Variants in FBXL20 observed in about 807,000 individuals in gnomAD.
The protein encoded by FBXL20 is F-box and leucine rich repeat protein 20.
A neutral mutation model predicts 64.0 loss-of-function variants in FBXL20; 11 were observed. The ratio of observed to expected loss-of-function variants is 0.17; its 90% CI spans 0.11 to 0.28. FBXL20 has a LOEUF of 0.28. Among genes scored for constraint, FBXL20 ranks in the 10% least tolerant of loss-of-function variants. FBXL20 has a pLI of 1.00. For missense variants in FBXL20, 303 were observed against 526.2 expected, an observed-to-expected ratio of 0.58 and a Z score of 4.15; for synonymous variants, 184 against 189.0, an observed-to-expected ratio of 0.97 and a Z score of 0.22.
chr17:39,387,578 CTTTTT>C (rs567825913), intron 1 of FBXL20, among the ~76,000 whole-genome samples: 1 of 124,514 alleles, frequency 8.0e-6, no homozygotes, highest in African/African-American at 2.9e-5. Flanking sequence ...AGCGCCCAAT[CTTTTT>C]TTTTTTTTTT....
chr17:39,368,182 A>C (rs1421674408), intron 1 of FBXL20, among the ~76,000 whole-genome samples: 1 of 152,214 alleles, frequency 6.6e-6, no homozygotes, highest in Admixed American at 6.6e-5. Flanking sequence ...TGAGGCCAGG[A>C]GTTCAAGACC....
chr17:39,399,266 C>G (rs1400755573), intron 1 of FBXL20, among the ~76,000 whole-genome samples: 1 of 152,182 alleles, frequency 6.6e-6, no homozygotes, highest in African/African-American at 2.4e-5. Context: ...CTTTAAGAAG[C>G]AGACTGTAAT....
At chr17:39,268,965 T>G in intron 11 of FBXL20, 94 bp from the exon 12 acceptor site, 2 of 1,105,502 alleles carry the variant, frequency 1.8e-6, no homozygotes, top group Non-Finnish European at 2.7e-6. Flanking sequence ...TAATATTAAA[T>G]ACGTTGATAA....
intron 14 of FBXL20, 61 bp from the exon 15 acceptor site, chr17:39,261,628 G>C (rs913199941): frequency 8.4e-6 from 11 of 1,313,764 alleles, no homozygotes; most frequent in Non-Finnish European, 1.1e-5. Context: ...GAGCAATGTT[G>C]GTTCTTAGAA....
chr17:39,360,251 C>A (rs1193132105), intron 1 of FBXL20, among the ~76,000 whole-genome samples: 4 of 152,016 alleles, frequency 2.6e-5, no homozygotes, highest in Non-Finnish European at 5.9e-5. Flanking sequence ...TGGGGAGTTA[C>A]TGTTTAATGG....
At chr17:39,377,745 G>C (rs1597829778) in intron 1 of FBXL20, among the ~76,000 whole-genome samples, 1 of 152,160 alleles carries the variant, frequency 6.6e-6, no homozygotes, top group African/African-American at 2.4e-5. Flanking sequence ...CTCGTGATCC[G>C]CTCCCCCTAG....
intron 9 of FBXL20, 142 bp from the exon 10 acceptor site, chr17:39,275,242 A>G: frequency 1.1e-6 from 1 of 872,746 alleles, no homozygotes; most frequent in Non-Finnish European, 1.7e-6. Context: ...CAGACCTAAA[A>G]GAAAATGAAC....
At chr17:39,289,659 C>CAA (rs373302395) in intron 6 of FBXL20, among the ~76,000 whole-genome samples, 3 of 144,660 alleles carry the variant, frequency 2.1e-5, no homozygotes, top group African/African-American at 7.6e-5. Flanking sequence ...AAGAAACAAA[C>CAA]AAAAAAAAAA....
chr17:39,275,175 T>C (rs2046878830), intron 9 of FBXL20, 75 bp from the exon 10 acceptor site: 1 of 1,442,384 alleles, frequency 6.9e-7, no homozygotes, highest in Non-Finnish European at 9.3e-7. Flanking sequence ...ATGATAGCTC[T>C]GTGAAAATAA....
intron 8 of FBXL20, among the ~76,000 whole-genome samples, chr17:39,282,271 T>C (rs1567862604): frequency 6.6e-6 from 1 of 152,216 alleles, no homozygotes; most frequent in Admixed American, 6.5e-5. Context: ...GGATTTGTAA[T>C]GTGACTGGCA....
intron 2 of FBXL20, among the ~76,000 whole-genome samples, chr17:39,326,064 G>A (rs924364478): frequency 1.3e-5 from 2 of 151,926 alleles, no homozygotes; most frequent in Non-Finnish European, 1.5e-5. Flanking sequence ...AAGAGTCTGG[G>A]ACTTCCCTCT....
chr17:39,319,391 A>G (rs947187191), intron 2 of FBXL20, among the ~76,000 whole-genome samples: 1 of 151,780 alleles, frequency 6.6e-6, no homozygotes. Context: ...AGAGAGATTT[A>G]AAAAGGATAG....
intron 10 of FBXL20, 48 bp downstream of exon 10, chr17:39,274,922 G>A: frequency 6.2e-7 from 1 of 1,608,630 alleles, no homozygotes; most frequent in South Asian, 1.1e-5. Context: ...TATGGGTGAA[G>A]GAAACTTTTG....
At chr17:39,270,977 A>G (rs2046838591) in intron 10 of FBXL20, 121 bp from the exon 11 acceptor site, 2 of 770,194 alleles carry the variant, frequency 2.6e-6, no homozygotes, top group Non-Finnish European at 4.1e-6. Context: ...TATAATATAG[A>G]ATGACATTAA....
intron 2 of FBXL20, among the ~76,000 whole-genome samples, chr17:39,314,770 G>T (rs1475738327): frequency 2.7e-5 from 4 of 150,430 alleles, no homozygotes; most frequent in Non-Finnish European, 5.9e-5. Context: ...AGTTTGTGAG[G>T]GTTTTAATTT....
intron 2 of FBXL20, among the ~76,000 whole-genome samples, chr17:39,331,839 T>C (rs1250103868): frequency 1.3e-5 from 2 of 152,256 alleles, no homozygotes; most frequent in Non-Finnish European, 2.9e-5. Flanking sequence ...CTGTAATGGT[T>C]TGAATATTTC....
chr17:39,352,171 G>T (rs1353746892), intron 1 of FBXL20, among the ~76,000 whole-genome samples: 2 of 152,078 alleles, frequency 1.3e-5, no homozygotes, highest in African/African-American at 4.8e-5. Flanking sequence ...CAGGACCCAA[G>T]AAACCACTTC....
At chr17:39,357,275 C>CAA (rs34332873) in intron 1 of FBXL20, among the ~76,000 whole-genome samples, 4,803 of 92,974 alleles carry the variant, frequency 0.052, 269 homozygotes, top group African/African-American at 0.14. Flanking sequence ...AACTCTGTCT[C>CAA]AAAAAAAAAA....
intron 1 of FBXL20, among the ~76,000 whole-genome samples, chr17:39,392,121 T>G (rs1043868387): frequency 1.3e-4 from 19 of 151,396 alleles, no homozygotes; most frequent in African/African-American, 3.6e-4. Context: ...CAGGCGACAG[T>G]GCGAGACTGA....
Sources: gnomAD v4.1 joint callset for allele counts (sites outside exome capture counted in the v4.1 genomes callset) on GRCh38, gnomAD v4.1.1 for gene constraint, MANE v1.5 for transcripts, NCBI Gene and HGNC (gene_info 2026-07-23, HGNC 2026-07-21) for gene names.